Variants in CXCL12 observed in about 807,000 individuals in gnomAD.
The protein encoded by CXCL12 is stromal cell-derived factor 1.
A neutral mutation model predicts 10.7 loss-of-function variants in CXCL12; 4 were observed. The observed-to-expected ratio is 0.37, with a 90% CI of 0.18 to 0.86. The LOEUF (loss-of-function observed/expected upper bound fraction) is 0.86. Ranked by LOEUF, CXCL12 falls within the 40% of genes least tolerant of loss-of-function variation. The probability of loss-of-function intolerance (pLI) is 0.43; values close to 1 mark genes in which losing one functional copy is unlikely to be tolerated. For synonymous variants in CXCL12, 54 were observed against 45.4 expected, an observed-to-expected ratio of 1.19 and a Z score of -0.77; for missense variants, 122 against 110.4, an observed-to-expected ratio of 1.10 and a Z score of -0.47.
downstream of CXCL12, chr10:44,375,718 T>C (rs1006376614): frequency 1.2e-6 from 1 of 864,552 alleles, no homozygotes; most frequent in Non-Finnish European, 1.7e-6. Context: ...CCCCAGTCTC[T>C]GCACAACTAC....
intron 1 of CXCL12, among the ~76,000 whole-genome samples, chr10:44,383,719 C>T (rs775296247): frequency 6.6e-6 from 1 of 151,768 alleles, no homozygotes; most frequent in Non-Finnish European, 1.5e-5. Context: ...CAGTCCGCCA[C>T]GACCCCAGGC....
downstream of CXCL12, chr10:44,375,753 C>T (rs2132039476): frequency 2.5e-6 from 3 of 1,198,024 alleles, no homozygotes; most frequent in African/African-American, 4.6e-5. Flanking sequence ...AGCAGACCAA[C>T]AAGGGCCTTA....
downstream of CXCL12, among the ~76,000 whole-genome samples, chr10:44,376,786 T>C (rs994706513): frequency 6.6e-6 from 1 of 152,086 alleles, no homozygotes; most frequent in African/African-American, 2.4e-5. Flanking sequence ...AGGTTGATAT[T>C]ACTAGGGTTG....
chr10:44,375,994 A>G, downstream of CXCL12: 1 of 1,613,756 alleles, frequency 6.2e-7, no homozygotes, highest in Non-Finnish European at 8.5e-7. Flanking sequence ...CTTTTTTCCT[A>G]TCTTTTCTTT....
chr10:44,379,993 G>C (rs1839576742), intron 2 of CXCL12, among the ~76,000 whole-genome samples: 2 of 152,202 alleles, frequency 1.3e-5, no homozygotes, highest in South Asian at 4.1e-4. Context: ...GGTTCCAACT[G>C]CTGTCTCCCC....
chr10:44,381,625 C>A (rs1839633589), intron 1 of CXCL12, among the ~76,000 whole-genome samples: 1 of 152,248 alleles, frequency 6.6e-6, no homozygotes, highest in South Asian at 2.1e-4. Flanking sequence ...CACCAATTTA[C>A]AAAATGCCAT....
downstream of CXCL12, chr10:44,371,739 T>A (rs1356746337): frequency 6.6e-6 from 1 of 152,380 alleles, no homozygotes; most frequent in Non-Finnish European, 1.5e-5. Flanking sequence ...GTTACATAGT[T>A]TCCTTGCTTT....
intron 1 of CXCL12, among the ~76,000 whole-genome samples, chr10:44,384,254 G>T (rs537793436): frequency 6.6e-6 from 1 of 152,276 alleles, no homozygotes; most frequent in South Asian, 2.1e-4. Context: ...CCCGAGAAGA[G>T]ACAGGAAGAC....
chr10:44,384,191 C>T lies in CXCL12; in HGVS notation c.61+754G>A, dbSNP rs576779743. The stretch of plus-strand genomic sequence containing the variant: ...CCTGTCTGCAGGTGTGTTTGGGGAG[C>T]TGGGGAGGGGGCGTGTGAGGCTCGG... On this transcript the variant is annotated intron_variant, in intron 1 of 2. Coordinates refer to ENST00000343575, the MANE Select transcript of CXCL12 (RefSeq NM_199168.4). Among the ~76,000 whole-genome samples, 9 of 152,238 alleles carry T rather than the reference C, an allele frequency of 5.9e-5. No homozygotes were observed. In the South Asian group the frequency reaches 1.9e-3, roughly 32 times the overall value.
At chr10:44,373,143 G>A, downstream of CXCL12, 1 of 1,534,816 alleles carries the variant, frequency 6.5e-7, no homozygotes, top group South Asian at 1.2e-5. Flanking sequence ...CAAACTAAAT[G>A]AAAAATAAAT....
At chr10:44,382,399 G>A (rs1839659599) in intron 1 of CXCL12, among the ~76,000 whole-genome samples, 1 of 152,182 alleles carries the variant, frequency 6.6e-6, no homozygotes, top group East Asian at 1.9e-4. Context: ...GTGCCTCCAG[G>A]TTTCCCTGGA....
downstream of CXCL12, chr10:44,371,921 T>C (rs1422432616): frequency 6.6e-6 from 1 of 152,246 alleles, no homozygotes; most frequent in African/African-American, 2.4e-5. Context: ...TCGACTGCCC[T>C]CAGTGGAAGG....
In CXCL12 at chr10:44,380,789, G is replaced by A; in HGVS notation, c.153C>T (p.Asn51=). ...RANVKHLKIL[N]TPNCALQIVA... ...CAATCTGAAGGGCACAGTTTGGAGT[G>A]TTGAGAATTTTGAGATGCTTGACGT... The change falls in exon 2 of 3, where the codon AAC becomes AAT. Residue 51 remains asparagine, a synonymous_variant. Coordinates refer to ENST00000343575, the MANE Select transcript of CXCL12 (RefSeq NM_199168.4). The A allele has an allele frequency of 6.2e-7, 1 of 1,614,104 alleles. No individual in the cohort carries two copies.
chr10:44,381,046 C>T (rs921274343), intron 1 of CXCL12, among the ~76,000 whole-genome samples, 166 bp from the exon 2 acceptor site: 2 of 152,174 alleles, frequency 1.3e-5, no homozygotes, highest in African/African-American at 4.8e-5. Flanking sequence ...CCTCAGGCAA[C>T]ACAGTGAGTG....
At chr10:44,372,474 G>A (rs940109143), downstream of CXCL12, 3 of 307,444 alleles carry the variant, frequency 9.8e-6, no homozygotes, top group Non-Finnish European at 1.6e-5. Flanking sequence ...ATTGGTCACA[G>A]AGGAGGACGC....
At chr10:44,375,844 C>A, downstream of CXCL12, 1 of 1,572,378 alleles carries the variant, frequency 6.4e-7, no homozygotes, top group East Asian at 2.2e-5. Context: ...AGCCCCTGCC[C>A]AGTCTGCATG....
In CXCL12 at chr10:44,385,016, G is replaced by C. The variant is rs1157771964; in HGVS notation, c.-11C>G. ...GACCTTGGCGTTCATGGCGCGGGCG[G>C]GCGGGCGGGCGGGCGGACGAGCGCG... On this transcript the variant is annotated 5_prime_UTR_variant, in exon 1 of 3. Transcript: ENST00000343575. The C allele has an allele frequency of 1.4e-6, 2 of 1,441,774 alleles. No homozygotes were observed. The highest frequency in any genetic ancestry group is 2.3e-5 in the Admixed American group (1 of 42,954). 89.3% of individuals were successfully genotyped at this position (1,441,774 alleles called of 1,614,324 possible).
chr10:44,374,538 G>GA (rs1474344704), downstream of CXCL12: 2 of 455,958 alleles, frequency 4.4e-6, no homozygotes, highest in Non-Finnish European at 8.8e-6. Context: ...CGTGGGCCAG[G>GA]AGAGTTGTCC....
In CXCL12 at chr10:44,385,042, G is replaced by T. The variant is rs1236085479; in HGVS notation, c.-37C>A. On this transcript the variant is annotated 5_prime_UTR_variant, in exon 1 of 3. Transcript: ENST00000343575. Reference sequence around the variant, plus strand: ...GCGGGCGGGCGGGCGGACGAGCGCGGGTCGGGGGCCGGACGCCGAGCGGGC... The same window carrying T: ...GCGGGCGGGCGGGCGGACGAGCGCGTGTCGGGGGCCGGACGCCGAGCGGGC... 3 of 1,416,854 alleles carry T rather than the reference G, an allele frequency of 2.1e-6. No homozygotes were observed. Among genetic ancestry groups the T allele is most frequent in the Non-Finnish European group, 2.8e-6 (3 of 1,072,682 alleles). The allele number at this position is 1,416,854 out of a possible 1,614,324, so 87.8% of individuals were successfully genotyped here. A position where few individuals can be genotyped will look rare whatever the true frequency, so the allele number is the denominator to read the frequency against.
Sources: allele counts gnomAD v4.1 joint callset (sites outside exome capture counted in the v4.1 genomes callset), GRCh38; gene constraint gnomAD v4.1.1; transcripts MANE v1.5; gene names NCBI Gene and HGNC (gene_info 2026-07-23, HGNC 2026-07-21).